Variants in KCNC1 observed in about 807,000 individuals in gnomAD.
KCNC1 encodes voltage-gated potassium channel KCNC1.
A neutral mutation model predicts 43.4 loss-of-function variants in KCNC1; 8 were observed. That is an observed-to-expected ratio of 0.18 (90% confidence interval 0.11 to 0.33). The LOEUF (loss-of-function observed/expected upper bound fraction) is 0.33, where lower values mean the gene tolerates loss of function less well. Ranked by LOEUF, KCNC1 falls within the 10% of genes least tolerant of loss-of-function variation. The pLI, the probability that KCNC1 is intolerant of heterozygous loss-of-function variation, is 1.00. For missense variants in KCNC1, 420 were observed against 836.0 expected (o/e 0.50, Z 6.14); for synonymous variants, 361 against 360.5 (o/e 1.00, Z -0.01).
chr11:17,778,252 C>T (rs1196304380), intron 2 of KCNC1, among the ~76,000 whole-genome samples: 1 of 152,222 alleles, frequency 6.6e-6, no homozygotes, highest in Non-Finnish European at 1.5e-5. Context: ...GGCTCTGCTC[C>T]GAGATCGCAG....
chr11:17,774,328 G>A (rs533822545), intron 2 of KCNC1: 2 of 985,606 alleles, frequency 2.0e-6, no homozygotes, highest in East Asian at 2.3e-4. Flanking sequence ...GAAGAGCTCA[G>A]CCTGAGTGGC....
intron 1 of KCNC1, among the ~76,000 whole-genome samples, chr11:17,756,691 C>T (rs1469919474): frequency 2.0e-5 from 3 of 152,160 alleles, no homozygotes; most frequent in Non-Finnish European, 4.4e-5. Context: ...TCAGTTTTCT[C>T]ATCTACCAAA....
intron 1 of KCNC1, among the ~76,000 whole-genome samples, chr11:17,763,949 A>ACC (rs763271635): frequency 0.13 from 13,880 of 110,604 alleles, 1,306 homozygotes; most frequent in African/African-American, 0.19. Context: ...ACACACACAC[A>ACC]CCCACACACA....
In KCNC1 at chr11:17,776,985, G is replaced by A; in HGVS notation, c.1505-2471G>A. The A allele has an allele frequency of 1.0e-6, 1 of 985,480 alleles. No individual in the cohort carries two copies. The highest frequency in any genetic ancestry group is 1.2e-6 in the Non-Finnish European group (1 of 829,980). 61.0% of individuals were successfully genotyped at this position (985,480 alleles called of 1,614,324 possible). A position where few individuals can be genotyped will look rare whatever the true frequency, so the allele number is the denominator to read the frequency against. ...CCCTCCTCAAAGGTTAGGGTTGAGA[G>A]AAGCAGTAGGCCCTAGGGGTGTCCC... On this transcript the variant is annotated intron_variant, in intron 2 of 3. Transcript: ENST00000265969. This position sits in a 1 kb window ranked among gnomAD's most constrained non-coding sequence, Gnocchi z 4.4.
intron 1 of KCNC1, among the ~76,000 whole-genome samples, chr11:17,764,536 C>A (rs984030437): frequency 1.3e-5 from 2 of 152,218 alleles, no homozygotes; most frequent in African/African-American, 4.8e-5. Flanking sequence ...ACACTCCCCC[C>A]AGTGCAGACT....
chr11:17,747,267 G>C (rs563495091), intron 1 of KCNC1, among the ~76,000 whole-genome samples: 2 of 152,180 alleles, frequency 1.3e-5, no homozygotes, highest in East Asian at 3.9e-4. Context: ...TGTGAGCCTC[G>C]GTCTCCCCAT....
rs1474826601 is a variant in KCNC1, at chr11:17,776,740, G to A, written c.1505-2716G>A. 3.0e-6 allele frequency: 3 copies of A among 985,288 alleles called. No homozygotes were observed. Among genetic ancestry groups the A allele is most frequent in the Non-Finnish European group, 3.6e-6 (3 of 829,950 alleles). The allele number at this position is 985,288 out of a possible 1,614,324, so 61.0% of individuals were successfully genotyped here. On this transcript the variant is annotated intron_variant, in intron 2 of 3. Coordinates refer to ENST00000265969, the MANE Select transcript of KCNC1 (RefSeq NM_001112741.2). This position sits in a 1 kb window ranked among gnomAD's most constrained non-coding sequence, Gnocchi z 4.4. The stretch of plus-strand genomic sequence containing the variant: ...GCCACTATCTCATCCAAAGGATGGG[G>A]CAGGGGCGGGGGCTCACACCTTTGA...
At position 17,772,303 on chromosome 11, in the gene KCNC1, T is replaced by C. The variant is rs374371136; in HGVS notation, c.1209T>C (p.Tyr403=). The C allele has an allele frequency of 6.2e-7, 1 of 1,614,156 alleles. No homozygotes were observed. Among genetic ancestry groups the C allele is most frequent in the East Asian group, 2.2e-5 (1 of 44,874 alleles). Residue 403 remains tyrosine (Y), a synonymous_variant, in exon 2 of 4, where the codon TAT becomes TAC. Coordinates refer to ENST00000265969, the MANE Select transcript of KCNC1 (RefSeq NM_001112741.2). The stretch of plus-strand genomic sequence containing the variant: ...TGGTCACCATGACGACCCTGGGCTA[T>C]GGAGACATGTACCCGCAGACGTGGT... The part of the protein sequence containing the change: ...WAVVTMTTLG[Y]GDMYPQTWSG...
rs376505778 is a variant in KCNC1, at chr11:17,745,291, A to G, written c.570+8719A>G. Among the ~76,000 whole-genome samples, 438 of 152,246 alleles carry G rather than the reference A, an allele frequency of 2.9e-3. 4 individuals carry two copies. The highest frequency in any genetic ancestry group is 0.01 in the African/African-American group (421 of 41,546). On this transcript the variant is annotated intron_variant, in intron 1 of 3. Transcript: ENST00000265969. ...GGGACTGGGCCTGGGGTGAGGCCCCATCACAGCCATGGCAACCGCATCCAT... is the reference window on the plus strand; with the variant it reads ...GGGACTGGGCCTGGGGTGAGGCCCCGTCACAGCCATGGCAACCGCATCCAT...
intron 1 of KCNC1, chr11:17,765,670 A>G (rs563585225): frequency 6.6e-6 from 1 of 152,312 alleles, no homozygotes; most frequent in East Asian, 1.9e-4. Context: ...TTTATGCCGC[A>G]TTGTCAGACG....
intron 1 of KCNC1, among the ~76,000 whole-genome samples, chr11:17,768,724 C>T (rs1359633535): frequency 1.3e-5 from 2 of 152,058 alleles, no homozygotes; most frequent in Non-Finnish European, 2.9e-5. Flanking sequence ...TGGGCCCTGC[C>T]TCTTGGCACC....
chr11:17,739,769 G>T lies in KCNC1; in HGVS notation c.570+3197G>T, dbSNP rs753310342. ...GGTCCCTGTGTGTGACAGACTGTAT[G>T]TGAAGGTGTGTGTAAGACAGAGATT... is the stretch of plus-strand genomic sequence containing the variant. On this transcript the variant is annotated intron_variant, in intron 1 of 3. Transcript: ENST00000265969. The surrounding 1 kb of genome is among the most constrained non-coding windows in gnomAD (Gnocchi z 4.2). Among the ~76,000 whole-genome samples the T allele has an allele frequency of 1.2e-4, 19 of 152,186 alleles. No homozygotes were observed. Among genetic ancestry groups the T allele is most frequent in the Admixed American group, 2.6e-4 (4 of 15,288 alleles).
intron 1 of KCNC1, among the ~76,000 whole-genome samples, chr11:17,745,405 A>G (rs944043411): frequency 6.6e-6 from 1 of 152,132 alleles, no homozygotes; most frequent in African/African-American, 2.4e-5. Context: ...TCATGTTTCA[A>G]GTACACTCGG....
At chr11:17,740,524 G>A (rs917223709) in intron 1 of KCNC1, among the ~76,000 whole-genome samples, 7 of 152,074 alleles carry the variant, frequency 4.6e-5, no homozygotes, top group Admixed American at 1.3e-4. Flanking sequence ...CTTCCTTGGG[G>A]GCCAGCTCAG....
chr11:17,742,400 C>T lies in KCNC1; in HGVS notation c.570+5828C>T, dbSNP rs1039143569. Among the ~76,000 whole-genome samples, 2 of 152,164 alleles carry T rather than the reference C, an allele frequency of 1.3e-5. No homozygotes were observed. The highest frequency in any genetic ancestry group is 2.9e-5 in the Non-Finnish European group (2 of 68,028). On this transcript the variant is annotated intron_variant, in intron 1 of 3. Coordinates refer to ENST00000265969, the MANE Select transcript of KCNC1 (RefSeq NM_001112741.2). This position sits in a 1 kb window ranked among gnomAD's most constrained non-coding sequence, Gnocchi z 4.2. The stretch of plus-strand genomic sequence containing the variant: ...TGGGCTGAGGATCTCAAGGCCTCCA[C>T]GACAGCTGAATATAATGCCTCTGGC...
intron 1 of KCNC1, among the ~76,000 whole-genome samples, chr11:17,767,260 G>A (rs1290201381): frequency 6.7e-6 from 1 of 148,410 alleles, no homozygotes; most frequent in Admixed American, 6.7e-5. Context: ...ACTGCAGCCT[G>A]TGTGACAGAG....
intron 2 of KCNC1, chr11:17,775,667 T>C (rs1474443621): frequency 1.0e-6 from 1 of 985,598 alleles, no homozygotes; most frequent in Non-Finnish European, 1.2e-6. Flanking sequence ...CCATGCCCAT[T>C]CGCATGTGTC....
intron 1 of KCNC1, among the ~76,000 whole-genome samples, chr11:17,767,118 C>T (rs1259658382): frequency 1.5e-5 from 2 of 136,756 alleles, no homozygotes; most frequent in Non-Finnish European, 1.6e-5. Context: ...AGCAACAGAA[C>T]GAGACTCTGT....
chr11:17,757,528 A>G (rs1405993634), intron 1 of KCNC1, among the ~76,000 whole-genome samples: 1 of 152,208 alleles, frequency 6.6e-6, no homozygotes, highest in East Asian at 1.9e-4. Flanking sequence ...TGAACTTCCC[A>G]TCACTGGTGG....
Sources: gnomAD v4.1 joint callset for allele counts (sites outside exome capture counted in the v4.1 genomes callset) on GRCh38, gnomAD v4.1.1 for gene constraint, Gnocchi (gnomAD v3.1) non-coding constraint, MANE v1.5 for transcripts, NCBI Gene and HGNC (gene_info 2026-07-23, HGNC 2026-07-21) for gene names.